Variants in CCDC32 observed in about 807,000 individuals in gnomAD.
The protein encoded by CCDC32 is coiled-coil domain containing 32, also known as coiled-coil domain-containing protein 32.
CCDC32 carries 9 observed loss-of-function variants against 20.1 expected under a neutral mutation model. That is an observed-to-expected ratio of 0.45 (90% CI 0.27 to 0.78). CCDC32 has a LOEUF of 0.78. Among genes scored for constraint, CCDC32 ranks in the 30% least tolerant of loss-of-function variants. The probability of loss-of-function intolerance (pLI) is 0.16; values close to 1 mark genes in which losing one functional copy is unlikely to be tolerated. For synonymous variants in CCDC32, 63 were observed against 79.0 expected, an observed-to-expected ratio of 0.80 and a Z score of 1.07; for missense variants, 204 against 215.5, an observed-to-expected ratio of 0.95 and a Z score of 0.33.
intron 3 of CCDC32, chr15:40,556,510 G>A (rs977477680): frequency 6.6e-6 from 1 of 152,176 alleles, no homozygotes; most frequent in Non-Finnish European, 1.5e-5. Context: ...TTTAGTCTGC[G>A]TAAATTCATT....
rs189405627 is a variant in CCDC32 at position 40,546,238 on chromosome 15, C to A, written c.402-6883G>T. ...ATAGGGTCTCACCCTGTCACCCAGG[C>A]TGGAGGGCAGTGGCATGATCTTGGC... On this transcript the variant is annotated intron_variant, in intron 3 of 3. Transcript: ENST00000558113. Among the ~76,000 whole-genome samples the A allele has an allele frequency of 2.0e-5, 3 of 150,568 alleles. No homozygotes were observed. The East Asian group carries it at 5.8e-4, about 29-fold the overall frequency.
chr15:40,562,719 C>G, intron 2 of CCDC32, 53 bp downstream of exon 2: 3 of 1,557,594 alleles, frequency 1.9e-6, no homozygotes, highest in Admixed American at 1.9e-5. Context: ...AATAGGAAAC[C>G]AAGTTTGATG....
downstream of CCDC32, chr15:40,536,504 G>T (rs1371736825): frequency 1.3e-5 from 2 of 152,320 alleles, no homozygotes; most frequent in African/African-American, 2.4e-5. Context: ...TGCATCCCAG[G>T]TGGGGTGCCA....
downstream of CCDC32, among the ~76,000 whole-genome samples, chr15:40,548,614 T>C (rs1889716877): frequency 6.6e-6 from 1 of 152,072 alleles, no homozygotes; most frequent in Non-Finnish European, 1.5e-5. Flanking sequence ...ATCATTTGAA[T>C]TACTTACTTA....
Position 40,553,823 on chromosome 15 carries a change from G to C in CCDC32, c.*148C>G. 1 of 1,399,688 alleles carries C rather than the reference G, an allele frequency of 7.1e-7. No homozygotes were observed. The highest frequency in any genetic ancestry group is 9.3e-7 in the Non-Finnish European group (1 of 1,076,610). The allele number at this position is 1,399,688 out of a possible 1,614,324, so 86.7% of individuals were successfully genotyped here. On this transcript the variant is annotated 3_prime_UTR_variant, in exon 4 of 4. Transcript: ENST00000416810. ...GTTTTCTTTGTGGAGTGGAAATTTG[G>C]GTTTTTTCCTTCAGTGGATTTCTCC...
chr15:40,549,460 T>G (rs896795), downstream of CCDC32, among the ~76,000 whole-genome samples: 81,426 of 151,976 alleles, frequency 0.54, 22,752 homozygotes, highest in East Asian at 0.75. Context: ...TGGACTCAGC[T>G]CCCCTAACAC....
In CCDC32 at chr15:40,562,899, G is replaced by A. The variant is rs772591317; in HGVS notation, c.117C>T (p.Phe39=). Residue 39 remains phenylalanine (F), a synonymous_variant, in exon 2 of 4, where the codon TTC becomes TTT. Transcript: ENST00000416810. ...PEQEDGANNA[F]SDSFVDSCPE... ...GGCAAGAATCCACAAAGGAGTCTGA[G>A]AATGCATTGTTGGCACCATCTTCTT... is the stretch of plus-strand genomic sequence containing the variant. 1.9e-6 allele frequency: 3 copies of A among 1,614,220 alleles called. No homozygotes were observed. The highest frequency in any genetic ancestry group is 1.7e-5 in the Admixed American group (1 of 60,022).
At chr15:40,530,090 G>A (rs960836265), downstream of CCDC32, among the ~76,000 whole-genome samples, 2 of 150,764 alleles carry the variant, frequency 1.3e-5, no homozygotes, top group African/African-American at 4.8e-5. Flanking sequence ...TCAGGAGTTC[G>A]AGACCAGCCT....
At chr15:40,534,994 T>TGGTA (rs1223494623), downstream of CCDC32, 5 of 703,382 alleles carry the variant, frequency 7.1e-6, no homozygotes, top group Non-Finnish European at 1.3e-5. Context: ...AGTGACTTGA[T>TGGTA]CTTCCCGAGC....
At chr15:40,544,944 C>A (rs530793727) in intron 3 of CCDC32, among the ~76,000 whole-genome samples, 1 of 152,238 alleles carries the variant, frequency 6.6e-6, no homozygotes, top group African/African-American at 2.4e-5. Flanking sequence ...AATTGTTATT[C>A]TTTTATTCAA....
downstream of CCDC32, chr15:40,536,446 G>T (rs1233399334): frequency 6.6e-6 from 1 of 152,354 alleles, no homozygotes; most frequent in African/African-American, 2.4e-5. Context: ...GCTGCCCAGG[G>T]CTGGGGAAAT....
intron 3 of CCDC32, among the ~76,000 whole-genome samples, chr15:40,547,065 TAGTATC>T (rs1414182824): frequency 6.6e-6 from 1 of 151,970 alleles, no homozygotes; most frequent in Non-Finnish European, 1.5e-5. Context: ...CTGAGGTAAA[TAGTATC>T]TGTATCTGGG....
At chr15:40,551,351 C>T (rs1257131018), downstream of CCDC32, among the ~76,000 whole-genome samples, 2 of 152,066 alleles carry the variant, frequency 1.3e-5, no homozygotes, top group Non-Finnish European at 2.9e-5. Flanking sequence ...CACTGCACTC[C>T]AGCCTGGGCA....
At chr15:40,539,840 C>CACACACACACACACACA (rs1555413863) in intron 3 of CCDC32, among the ~76,000 whole-genome samples, 5 of 134,542 alleles carry the variant, frequency 3.7e-5, no homozygotes, top group Admixed American at 2.4e-4. Context: ...CAAACTGTTG[C>CACACACACACACACACA]CACACACACA....
intron 3 of CCDC32, among the ~76,000 whole-genome samples, chr15:40,554,747 A>G (rs1024296495): frequency 1.3e-5 from 2 of 152,154 alleles, no homozygotes; most frequent in African/African-American, 4.8e-5. Flanking sequence ...CTGTAGGGAG[A>G]GGGGAGATGT....
chr15:40,528,885 C>T, intron 3 of CCDC32: 1 of 651,940 alleles, frequency 1.5e-6, no homozygotes. Context: ...TTTCCAAGGA[C>T]AGACTCGTGT....
At chr15:40,541,885 T>C (rs1241488547) in intron 3 of CCDC32, among the ~76,000 whole-genome samples, 2 of 152,248 alleles carry the variant, frequency 1.3e-5, no homozygotes, top group Non-Finnish European at 2.9e-5. Context: ...ATAAGAACTG[T>C]TGGAGGGCTC....
At chr15:40,564,716 C>A (rs775424214) in intron 1 of CCDC32, 1 of 1,613,784 alleles carries the variant, frequency 6.2e-7, no homozygotes, top group African/African-American at 1.3e-5. Flanking sequence ...CTACAGTGAA[C>A]CCCCAACCCG....
At chr15:40,559,276 A>T (rs970836913) in intron 2 of CCDC32, among the ~76,000 whole-genome samples, 2 of 152,190 alleles carry the variant, frequency 1.3e-5, no homozygotes, top group African/African-American at 4.8e-5. Context: ...ATTTGTAAAG[A>T]CAGTCTCACT....
Sources: gnomAD v4.1 joint callset for allele counts (sites outside exome capture counted in the v4.1 genomes callset) on GRCh38, gnomAD v4.1.1 for gene constraint, MANE v1.5 for transcripts, NCBI Gene and HGNC (gene_info 2026-07-23, HGNC 2026-07-21) for gene names.